The following AGBL1 variants were observed in gnomAD, a reference collection of about 807,000 sequenced individuals.
The protein encoded by AGBL1 is cytosolic carboxypeptidase 4.
A neutral mutation model predicts 118.9 loss-of-function variants in AGBL1; 130 were observed. The observed-to-expected ratio is 1.09, with a 90% CI of 0.95 to 1.26. The LOEUF (loss-of-function observed/expected upper bound fraction) is 1.26. AGBL1 is among the 50% of genes most tolerant of loss of function. The probability of loss-of-function intolerance (pLI) is 0.00; values close to 1 mark genes in which losing one functional copy is unlikely to be tolerated. For synonymous variants in AGBL1, 555 were observed against 478.9 expected, an observed-to-expected ratio of 1.16 and a Z score of -2.08; for missense variants, 1,584 against 1,298.1, an observed-to-expected ratio of 1.22 and a Z score of -3.38.
At chr15:86,506,279 G>C (rs1352342173) in intron 18 of AGBL1, among the ~76,000 whole-genome samples, 3 of 151,990 alleles carry the variant, frequency 2.0e-5, no homozygotes, top group African/African-American at 7.2e-5. Context: ...TATGCATGCA[G>C]GTTTCTAGAA....
In AGBL1 at chr15:86,620,901, G is replaced by A. The variant is rs76602481; in HGVS notation, c.2995-53372G>A. Among the ~76,000 whole-genome samples the A allele has an allele frequency of 8.2e-3, 1,244 of 151,282 alleles. 7 individuals are homozygous for A. The highest frequency in any genetic ancestry group is 0.022 in the South Asian group (106 of 4,784). ...CACGGCTCTTTTTCAAGTCGCCTGC[G>A]TGCTTTGAATATTTCTCTTCAAAGG... On this transcript the variant is annotated intron_variant, in intron 21 of 22. Coordinates refer to ENST00000614907, the MANE Select transcript of AGBL1 (RefSeq NM_001386094.1).
At chr15:86,179,025 G>T (rs1049454478) in intron 5 of AGBL1, among the ~76,000 whole-genome samples, 2 of 152,206 alleles carry the variant, frequency 1.3e-5, no homozygotes, top group East Asian at 1.9e-4. Context: ...TGGTTGTGAT[G>T]ATTATCTTGA....
At chr15:86,815,406 A>G (rs1227455607) in intron 22 of AGBL1, among the ~76,000 whole-genome samples, 1 of 152,128 alleles carries the variant, frequency 6.6e-6, no homozygotes, top group Non-Finnish European at 1.5e-5. Context: ...AAAACATTCT[A>G]AGACATTCCC....
At chr15:86,662,421 G>A (rs1022534044) in intron 21 of AGBL1, among the ~76,000 whole-genome samples, 10 of 152,218 alleles carry the variant, frequency 6.6e-5, no homozygotes, top group Non-Finnish European at 1.5e-4. Flanking sequence ...AAGAGCTTAT[G>A]TAACTCAAAA....
In AGBL1 at chr15:86,776,785, TGTGTGA is replaced by T. The variant is rs1383239399; in HGVS notation, c.3158+102351_3158+102356del. Among the ~76,000 whole-genome samples, 1,284 of 129,426 alleles carry T rather than the reference TGTGTGA, an allele frequency of 9.9e-3. 18 individuals carry two copies. Among genetic ancestry groups the T allele is most frequent in the African/African-American group, 0.038 (1,213 of 32,112 alleles). The allele number at this position is 129,426 out of a possible 152,430, so 84.9% of individuals were successfully genotyped here. On this transcript the variant is annotated intron_variant, in intron 22 of 22. Transcript: ENST00000614907. The stretch of plus-strand genomic sequence containing the variant: ...GTGTGTGTGTGTGTGTGTGTGTGTG[TGTGTGA>T]GAGAGAGAGAGAATTAAGGGGAATT...
At chr15:86,705,356 CTT>C (rs1221285208) in intron 22 of AGBL1, among the ~76,000 whole-genome samples, 2 of 152,104 alleles carry the variant, frequency 1.3e-5, no homozygotes, top group African/African-American at 4.8e-5. Flanking sequence ...TTGGGTATGT[CTT>C]TATTAACAAC....
At chr15:86,747,596 T>C (rs2077775910) in intron 22 of AGBL1, among the ~76,000 whole-genome samples, 1 of 152,142 alleles carries the variant, frequency 6.6e-6, no homozygotes, top group Admixed American at 6.5e-5. Context: ...GTCATTTACA[T>C]TGGGTGTATC....
chr15:86,985,135 C>G (rs142560621), intron 23 of AGBL1, among the ~76,000 whole-genome samples: 2,794 of 151,412 alleles, frequency 0.018, 43 homozygotes, highest in Middle Eastern at 0.034. Context: ...TTTTTCCATT[C>G]TCTTAATGAT....
At chr15:86,927,213 A>G (rs527369956) in intron 23 of AGBL1, among the ~76,000 whole-genome samples, 1 of 152,170 alleles carries the variant, frequency 6.6e-6, no homozygotes, top group Non-Finnish European at 1.5e-5. Flanking sequence ...CCTGCTTAGT[A>G]TAATTGTAAA....
intron 1 of AGBL1, among the ~76,000 whole-genome samples, chr15:86,131,016 C>A (rs974933725): frequency 4.6e-5 from 7 of 152,140 alleles, no homozygotes; most frequent in African/African-American, 1.7e-4. Flanking sequence ...CAGCTGAGAG[C>A]TTAATTGACT....
At chr15:86,223,266 C>T (rs529579473) in intron 5 of AGBL1, among the ~76,000 whole-genome samples, 13 of 152,246 alleles carry the variant, frequency 8.5e-5, no homozygotes, top group Middle Eastern at 3.4e-3. Context: ...AAATGCGATC[C>T]TTAGAGACCT....
chr15:86,670,331 C>T (rs1045340249), intron 21 of AGBL1, among the ~76,000 whole-genome samples: 32 of 151,852 alleles, frequency 2.1e-4, no homozygotes, highest in African/African-American at 5.1e-4. Flanking sequence ...AGGCCGGGTG[C>T]GGTGGCTCAT....
chr15:86,993,255 C>A (rs2081350316), intron 24 of AGBL1, among the ~76,000 whole-genome samples: 1 of 152,160 alleles, frequency 6.6e-6, no homozygotes, highest in Non-Finnish European at 1.5e-5. Context: ...CTCCTTGTAA[C>A]CCCAGTTTAT....
rs1046199022 is a variant in AGBL1, at chr15:86,224,785, T to C, written c.489-129T>C. ...CTTTAATGGTCAGCGGGGCAATCAA[T>C]AGATTGCCTGCTACCTGGTTAATCA... is the stretch of plus-strand genomic sequence containing the variant. On this transcript the variant is annotated intron_variant, in intron 5 of 22. Coordinates refer to ENST00000614907, the MANE Select transcript of AGBL1 (RefSeq NM_001386094.1). 9.7e-6 allele frequency: 8 copies of C among 827,766 alleles called. No individual in the cohort carries two copies. The African/African-American group carries it at 1.4e-4, about 14-fold the overall frequency. The allele number at this position is 827,766 out of a possible 1,614,324, so 51.3% of individuals were successfully genotyped here.
intron 22 of AGBL1, among the ~76,000 whole-genome samples, chr15:86,768,834 G>T (rs2078132308): frequency 6.6e-6 from 1 of 151,920 alleles, no homozygotes; most frequent in African/African-American, 2.4e-5. Context: ...TGCCTTAAGG[G>T]CTTACAGGAA....
intron 22 of AGBL1, among the ~76,000 whole-genome samples, chr15:86,794,987 A>G (rs1364383510): frequency 6.6e-6 from 1 of 152,094 alleles, no homozygotes; most frequent in Non-Finnish European, 1.5e-5. Flanking sequence ...AAAAGCAAGA[A>G]AATTGCCAAA....
chr15:86,376,412 G>T (rs2081041632), intron 17 of AGBL1, among the ~76,000 whole-genome samples: 1 of 152,288 alleles, frequency 6.6e-6, no homozygotes, highest in African/African-American at 2.4e-5. Context: ...TTATTACAGG[G>T]AAAGAATTCA....
chr15:86,497,424 T>C (rs1474968061), intron 18 of AGBL1, among the ~76,000 whole-genome samples: 1 of 152,062 alleles, frequency 6.6e-6, no homozygotes, highest in Admixed American at 6.6e-5. Context: ...TATTTATTGT[T>C]ACTACTCTTA....
intron 18 of AGBL1, among the ~76,000 whole-genome samples, chr15:86,449,222 A>G (rs186983135): frequency 7.7e-4 from 117 of 152,332 alleles, no homozygotes; most frequent in African/African-American, 2.8e-3. Context: ...AACAGTGATA[A>G]CTGTGCCTGT....
Sources: gnomAD v4.1 joint callset for allele counts (sites outside exome capture counted in the v4.1 genomes callset) on GRCh38, gnomAD v4.1.1 for gene constraint, MANE v1.5 for transcripts, NCBI Gene and HGNC (gene_info 2026-07-23, HGNC 2026-07-21) for gene names.